Variants in ADGRB3 observed in about 807,000 individuals in gnomAD.
The protein encoded by ADGRB3 is adhesion G protein-coupled receptor B3, also known as brain-specific angiogenesis inhibitor 3.
ADGRB3 carries 37 observed loss-of-function variants against 193.4 expected under a neutral mutation model. That is an observed-to-expected ratio of 0.19 (90% CI 0.15 to 0.25). ADGRB3 has a LOEUF of 0.25. Among genes scored for constraint, ADGRB3 ranks in the 10% least tolerant of loss-of-function variants. The pLI, the probability that ADGRB3 is intolerant of heterozygous loss-of-function variation, is 1.00. For synonymous variants in ADGRB3, 690 were observed against 644.2 expected, an observed-to-expected ratio of 1.07 and a Z score of -1.08; for missense variants, 1,637 against 1,852.9, an observed-to-expected ratio of 0.88 and a Z score of 2.14.
intron 3 of ADGRB3, among the ~76,000 whole-genome samples, chr6:68,909,159 T>A (rs1012881843): frequency 6.6e-6 from 1 of 152,238 alleles, no homozygotes; most frequent in Non-Finnish European, 1.5e-5. Context: ...CATCTTGTTA[T>A]ATGTGCTTCC....
At chr6:69,228,734 A>G (rs1766073156) in intron 17 of ADGRB3, among the ~76,000 whole-genome samples, 1 of 152,192 alleles carries the variant, frequency 6.6e-6, no homozygotes, top group Non-Finnish European at 1.5e-5. Context: ...TTAGATCTTT[A>G]AATCTTCTTA....
At chr6:68,642,992 C>T (rs1385839664) in intron 3 of ADGRB3, among the ~76,000 whole-genome samples, 2 of 152,108 alleles carry the variant, frequency 1.3e-5, no homozygotes. Flanking sequence ...ATAAAAATAT[C>T]TTATTTCTTA....
intron 3 of ADGRB3, among the ~76,000 whole-genome samples, chr6:68,928,053 AT>A (rs1201697472): frequency 2.0e-5 from 3 of 149,534 alleles, no homozygotes; most frequent in Non-Finnish European, 4.5e-5. Context: ...GGATATTGAA[AT>A]TTAATTTCTA....
chr6:68,909,965 C>G (rs1232047876), intron 3 of ADGRB3, among the ~76,000 whole-genome samples: 1 of 152,124 alleles, frequency 6.6e-6, no homozygotes, highest in Non-Finnish European at 1.5e-5. Flanking sequence ...GTTCTAGATC[C>G]CTGAGGAATC....
intron 20 of ADGRB3, among the ~76,000 whole-genome samples, chr6:69,240,201 GC>G: frequency 6.6e-6 from 1 of 152,076 alleles, no homozygotes; most frequent in Non-Finnish European, 1.5e-5. Flanking sequence ...CACCAAAAGA[GC>G]CCAATTCTAG....
chr6:68,646,431 C>T (rs12660998), intron 3 of ADGRB3, among the ~76,000 whole-genome samples: 5 of 143,330 alleles, frequency 3.5e-5, no homozygotes, highest in Admixed American at 7.3e-5. Flanking sequence ...GAGCAGAGAT[C>T]GGGCCACTGC....
At chr6:68,832,976 G>C (rs1582238456) in intron 3 of ADGRB3, among the ~76,000 whole-genome samples, 1 of 152,084 alleles carries the variant, frequency 6.6e-6, no homozygotes, top group East Asian at 1.9e-4. Flanking sequence ...TGCCCACTGT[G>C]TACTTTTCTG....
chr6:69,349,475 A>G (rs1769176798), intron 26 of ADGRB3, among the ~76,000 whole-genome samples: 1 of 141,150 alleles, frequency 7.1e-6, no homozygotes, highest in Non-Finnish European at 1.6e-5. Flanking sequence ...TTGTTTATTG[A>G]CTTTGCTATC....
chr6:69,376,724 C>T (rs1056066704), intron 30 of ADGRB3, among the ~76,000 whole-genome samples: 17 of 152,062 alleles, frequency 1.1e-4, no homozygotes, highest in African/African-American at 3.9e-4. Context: ...TTGTTCATAA[C>T]AGACTTCTTC....
chr6:68,855,011 C>T (rs927773793), intron 3 of ADGRB3, among the ~76,000 whole-genome samples: 8 of 152,150 alleles, frequency 5.3e-5, no homozygotes, highest in Non-Finnish European at 8.8e-5. Context: ...TTGTCTTTGC[C>T]TAAGGAGTCA....
At chr6:69,329,676 C>T (rs1768670046) in intron 22 of ADGRB3, among the ~76,000 whole-genome samples, 1 of 152,164 alleles carries the variant, frequency 6.6e-6, no homozygotes, top group Non-Finnish European at 1.5e-5. Flanking sequence ...TGTCAAAAAA[C>T]TGGTGCATGA....
At chr6:69,179,147 G>GT (rs904759826) in intron 17 of ADGRB3, among the ~76,000 whole-genome samples, 3 of 151,936 alleles carry the variant, frequency 2.0e-5, no homozygotes, top group Admixed American at 1.3e-4. Flanking sequence ...TTTTTTAAAT[G>GT]TTTTTTTAAA....
chr6:68,895,355 A>G (rs995899362), intron 3 of ADGRB3, among the ~76,000 whole-genome samples: 24 of 151,966 alleles, frequency 1.6e-4, no homozygotes, highest in Non-Finnish European at 4.4e-5. Flanking sequence ...CAAGTCTTGA[A>G]AAACATGTAT....
At chr6:69,250,017 A>T (rs1346755328) in intron 20 of ADGRB3, among the ~76,000 whole-genome samples, 1 of 152,220 alleles carries the variant, frequency 6.6e-6, no homozygotes, top group African/African-American at 2.4e-5. Flanking sequence ...ACTAGCTTTA[A>T]CAGTAAACAC....
chr6:68,750,355 A>G (rs1766172389), intron 3 of ADGRB3, among the ~76,000 whole-genome samples: 1 of 152,168 alleles, frequency 6.6e-6, no homozygotes, highest in African/African-American at 2.4e-5. Flanking sequence ...GAATTTTCAG[A>G]AAAGGGCTAA....
At chr6:68,814,977 G>A (rs1396522016) in intron 3 of ADGRB3, among the ~76,000 whole-genome samples, 1 of 152,170 alleles carries the variant, frequency 6.6e-6, no homozygotes, top group Middle Eastern at 3.4e-3. Context: ...GGTATTGATG[G>A]GACGTATCTC....
At chr6:68,979,988 A>C (rs2150268095) in intron 10 of ADGRB3, among the ~76,000 whole-genome samples, 1 of 151,560 alleles carries the variant, frequency 6.6e-6, no homozygotes, top group Middle Eastern at 3.4e-3. Context: ...GAGTTGATCC[A>C]AGCATACCAA....
chr6:68,918,328 C>A (rs1205587468), intron 3 of ADGRB3, among the ~76,000 whole-genome samples: 1 of 152,122 alleles, frequency 6.6e-6, no homozygotes, highest in Non-Finnish European at 1.5e-5. Flanking sequence ...ACTTGGTCAC[C>A]AGCCTTGTAG....
chr6:68,930,168 C>A (rs935323192), intron 3 of ADGRB3, among the ~76,000 whole-genome samples: 1 of 151,658 alleles, frequency 6.6e-6, no homozygotes, highest in Non-Finnish European at 1.5e-5. Flanking sequence ...TGACAAACTT[C>A]TGGGGGTGAT....
Sources: gnomAD v4.1 joint callset for allele counts (sites outside exome capture counted in the v4.1 genomes callset) on GRCh38, gnomAD v4.1.1 for gene constraint, MANE v1.5 for transcripts, NCBI Gene and HGNC (gene_info 2026-07-23, HGNC 2026-07-21) for gene names.